Variants in SH3RF3 observed in about 807,000 individuals in gnomAD.
SH3RF3 encodes E3 ubiquitin-protein ligase SH3RF3.
A neutral mutation model predicts 66.3 loss-of-function variants in SH3RF3; 29 were observed. The observed-to-expected ratio is 0.44, with a 90% CI of 0.33 to 0.60. The LOEUF is 0.60. Ranked by LOEUF, SH3RF3 falls within the 20% of genes least tolerant of loss-of-function variation. The probability of loss-of-function intolerance (pLI) is 0.04; values close to 1 mark genes in which losing one functional copy is unlikely to be tolerated. For synonymous variants in SH3RF3, 583 were observed against 532.0 expected (o/e 1.10, Z -1.32); for missense variants, 1,194 against 1,190.9 (o/e 1.00, Z -0.04).
intron 1 of SH3RF3, among the ~76,000 whole-genome samples, chr2:109,274,445 T>C (rs955858384): frequency 4.6e-5 from 7 of 152,376 alleles, no homozygotes; most frequent in African/African-American, 1.7e-4. Context: ...TGGACTTTTA[T>C]TCAGCCATCA....
chr2:109,287,774 A>G (rs775922067), intron 1 of SH3RF3, among the ~76,000 whole-genome samples: 57 of 152,208 alleles, frequency 3.7e-4, no homozygotes, highest in Admixed American at 1.8e-3. Flanking sequence ...CTTCCCTTTC[A>G]GGCCTCAGAT....
intron 8 of SH3RF3, among the ~76,000 whole-genome samples, chr2:109,461,752 C>A (rs1678212647): frequency 6.6e-6 from 1 of 152,240 alleles, no homozygotes; most frequent in African/African-American, 2.4e-5. Context: ...CACTGGATCT[C>A]CTGGGTCATG....
intron 1 of SH3RF3, among the ~76,000 whole-genome samples, chr2:109,200,657 C>G (rs560343412): frequency 6.6e-6 from 1 of 152,260 alleles, no homozygotes; most frequent in East Asian, 1.9e-4. Context: ...CCTACCTGGC[C>G]AAGCTGGAGG....
chr2:109,308,026 T>G (rs1681639940), intron 1 of SH3RF3, among the ~76,000 whole-genome samples: 1 of 146,120 alleles, frequency 6.8e-6, no homozygotes, highest in Admixed American at 6.8e-5. Context: ...TTGAACTAGT[T>G]TACAGTCCCA....
chr2:109,362,748 T>C (rs1193857079), intron 2 of SH3RF3, among the ~76,000 whole-genome samples: 4 of 152,230 alleles, frequency 2.6e-5, no homozygotes, highest in African/African-American at 9.6e-5. Context: ...ATTTTGACAC[T>C]GTTGTTAGGT....
chr2:109,260,230 G>A (rs184434441), intron 1 of SH3RF3, among the ~76,000 whole-genome samples: 133 of 152,186 alleles, frequency 8.7e-4, no homozygotes, highest in Non-Finnish European at 1.2e-3. Flanking sequence ...GTGATTTACC[G>A]TCCTCTCCCT....
chr2:109,222,985 A>G (rs1339846562), intron 1 of SH3RF3, among the ~76,000 whole-genome samples: 1 of 152,160 alleles, frequency 6.6e-6, no homozygotes, highest in Non-Finnish European at 1.5e-5. Context: ...CAGGGTCTGT[A>G]CTCACTGCAC....
At chr2:109,447,160 A>G (rs1427906628) in intron 7 of SH3RF3, among the ~76,000 whole-genome samples, 1 of 149,890 alleles carries the variant, frequency 6.7e-6, no homozygotes, top group Non-Finnish European at 1.5e-5. Context: ...AAAAAAAAAA[A>G]AAAAAAAAGA....
chr2:109,373,745 A>G, intron 3 of SH3RF3, among the ~76,000 whole-genome samples: 1 of 152,194 alleles, frequency 6.6e-6, no homozygotes, highest in East Asian at 1.9e-4. Flanking sequence ...AATGGTGTCC[A>G]GTTAAGCTTT....
At chr2:109,184,587 C>A (rs900600561) in intron 1 of SH3RF3, among the ~76,000 whole-genome samples, 2 of 152,146 alleles carry the variant, frequency 1.3e-5, no homozygotes, top group African/African-American at 2.4e-5. Context: ...GTTGGCTTCC[C>A]CCATCCAGTG....
At chr2:109,299,698 A>G (rs1681410292) in intron 1 of SH3RF3, among the ~76,000 whole-genome samples, 1 of 152,166 alleles carries the variant, frequency 6.6e-6, no homozygotes, top group African/African-American at 2.4e-5. Flanking sequence ...GGAATGTTCT[A>G]AATAATCAGG....
chr2:109,321,235 G>A (rs796329121), intron 1 of SH3RF3, among the ~76,000 whole-genome samples: 1 of 152,118 alleles, frequency 6.6e-6, no homozygotes, highest in Non-Finnish European at 1.5e-5. Context: ...TTATATCCTC[G>A]GATTCACTTT....
chr2:109,198,783 G>A (rs55649028), intron 1 of SH3RF3, among the ~76,000 whole-genome samples: 5,625 of 152,262 alleles, frequency 0.037, 126 homozygotes, highest in Middle Eastern at 0.071. Context: ...CCAAACCTAG[G>A]AAGTACAGCC....
intron 3 of SH3RF3, among the ~76,000 whole-genome samples, chr2:109,377,722 G>A (rs1683420988): frequency 6.6e-6 from 1 of 152,210 alleles, no homozygotes; most frequent in South Asian, 2.1e-4. Flanking sequence ...TCAGCACAAT[G>A]ATGATAGCGT....
intron 5 of SH3RF3, among the ~76,000 whole-genome samples, chr2:109,431,715 TA>T (rs1430038551): frequency 1.3e-5 from 2 of 152,020 alleles, no homozygotes; most frequent in African/African-American, 4.8e-5. Context: ...TTACAAAAAA[TA>T]AAAAACTTAG....
intron 3 of SH3RF3, among the ~76,000 whole-genome samples, chr2:109,382,731 A>G (rs1277588720): frequency 1.3e-5 from 2 of 152,202 alleles, no homozygotes; most frequent in Admixed American, 1.3e-4. Flanking sequence ...CTGGCGAGAG[A>G]TGCAGCCAAG....
chr2:109,318,146 T>C (rs1286849098), intron 1 of SH3RF3, among the ~76,000 whole-genome samples: 2 of 150,564 alleles, frequency 1.3e-5, no homozygotes, highest in Non-Finnish European at 2.9e-5. Context: ...TCTAGGGACA[T>C]TGAGAGACTA....
At chr2:109,143,071 C>T (rs1055850847) in intron 1 of SH3RF3, among the ~76,000 whole-genome samples, 6 of 152,076 alleles carry the variant, frequency 3.9e-5, no homozygotes, top group African/African-American at 1.2e-4. Flanking sequence ...TCCCTGAGCC[C>T]GGGAACCCAG....
At chr2:109,156,589 G>T (rs927431079) in intron 1 of SH3RF3, among the ~76,000 whole-genome samples, 9 of 151,970 alleles carry the variant, frequency 5.9e-5, no homozygotes, top group Non-Finnish European at 1.5e-5. Flanking sequence ...GAGATTACAG[G>T]TGTCCACCAC....
Sources: gnomAD v4.1 joint callset for allele counts (sites outside exome capture counted in the v4.1 genomes callset) on GRCh38, gnomAD v4.1.1 for gene constraint, MANE v1.5 for transcripts, NCBI Gene and HGNC (gene_info 2026-07-23, HGNC 2026-07-21) for gene names.